The following PPP1R9A variants were observed in gnomAD, a reference collection of about 807,000 sequenced individuals.
PPP1R9A encodes protein phosphatase 1 regulatory subunit 9A, also known as neurabin-1.
PPP1R9A carries 59 observed loss-of-function variants against 141.9 expected under a neutral mutation model. The observed-to-expected ratio is 0.42, with a 90% CI of 0.34 to 0.52. The LOEUF is 0.52. Among genes scored for constraint, PPP1R9A ranks in the 20% least tolerant of loss-of-function variants. The probability of loss-of-function intolerance (pLI) is 0.10; values close to 1 mark genes in which losing one functional copy is unlikely to be tolerated. For synonymous variants in PPP1R9A, 500 were observed against 569.7 expected (o/e 0.88, Z 1.74); for missense variants, 1,444 against 1,611.9 (o/e 0.90, Z 1.78).
chr7:95,282,130 G>A (rs1030127324), intron 16 of PPP1R9A, among the ~76,000 whole-genome samples: 1 of 127,964 alleles, frequency 7.8e-6, no homozygotes, highest in Non-Finnish European at 1.6e-5. Context: ...GGGAGGCCAA[G>A]GCAGGAGGTC....
chr7:94,943,239 A>G (rs757169883), intron 2 of PPP1R9A, among the ~76,000 whole-genome samples: 1 of 152,222 alleles, frequency 6.6e-6, no homozygotes, highest in Non-Finnish European at 1.5e-5. Flanking sequence ...GATAAACTAT[A>G]GGCCATTAAA....
At chr7:95,038,965 TAGAC>T (rs1189930229) in intron 2 of PPP1R9A, among the ~76,000 whole-genome samples, 3 of 152,216 alleles carry the variant, frequency 2.0e-5, no homozygotes, top group Middle Eastern at 3.4e-3. Context: ...CAGCAAACGT[TAGAC>T]AGCCCAACAC....
In PPP1R9A at chr7:95,118,251, T is replaced by C. The variant is rs150556721; in HGVS notation, c.1529-2461T>C. On this transcript the variant is annotated intron_variant, in intron 3 of 19. Transcript: ENST00000433360. ...CGAAACTTTAAAACTATAATGAATG[T>C]AGAAAATCTTTAACAAGATAAATCC... 2.7e-4 allele frequency among the ~76,000 whole-genome samples: 41 copies of C among 152,336 alleles called. No homozygotes were observed. In the East Asian group the frequency reaches 7.7e-3, roughly 29 times the overall value.
intron 16 of PPP1R9A, among the ~76,000 whole-genome samples, chr7:95,276,911 T>C (rs1803316507): frequency 6.6e-6 from 1 of 152,164 alleles, no homozygotes; most frequent in African/African-American, 2.4e-5. Context: ...ATAAAACCTA[T>C]CCCAGGAAGA....
intron 2 of PPP1R9A, among the ~76,000 whole-genome samples, chr7:94,948,106 C>G (rs971094717): frequency 3.3e-5 from 5 of 152,036 alleles, no homozygotes; most frequent in African/African-American, 9.7e-5. Flanking sequence ...ATGGTGGGTT[C>G]TCCTTCCCAA....
chr7:95,068,349 A>C (rs1200534562), intron 2 of PPP1R9A, among the ~76,000 whole-genome samples: 1 of 151,992 alleles, frequency 6.6e-6, no homozygotes, highest in African/African-American at 2.4e-5. Flanking sequence ...ACACGCCTGT[A>C]GTCCCAGCTA....
intron 5 of PPP1R9A, among the ~76,000 whole-genome samples, chr7:95,166,539 A>G (rs1831296940): frequency 6.6e-6 from 1 of 152,194 alleles, no homozygotes; most frequent in Admixed American, 6.5e-5. Context: ...CCAACAAAGA[A>G]AAGTCCAGGA....
chr7:95,170,541 G>A (rs1831948852), intron 5 of PPP1R9A, among the ~76,000 whole-genome samples: 1 of 151,522 alleles, frequency 6.6e-6, no homozygotes, highest in Non-Finnish European at 1.5e-5. Context: ...GAATACAGTA[G>A]ACTTTGCAGT....
At chr7:95,070,624 C>CACACACAT (rs1554492098) in intron 2 of PPP1R9A, among the ~76,000 whole-genome samples, 3 of 134,544 alleles carry the variant, frequency 2.2e-5, no homozygotes, top group Admixed American at 7.6e-5. Flanking sequence ...CACACACACA[C>CACACACAT]ATATATATAA....
At chr7:95,136,482 A>C (rs1023894049) in intron 4 of PPP1R9A, among the ~76,000 whole-genome samples, 5 of 152,220 alleles carry the variant, frequency 3.3e-5, no homozygotes, top group Non-Finnish European at 7.3e-5. Context: ...ATGCACAAAG[A>C]TATAAAGTTA....
chr7:94,954,566 C>G (rs1467118670), intron 2 of PPP1R9A, among the ~76,000 whole-genome samples: 2 of 151,736 alleles, frequency 1.3e-5, no homozygotes, highest in Non-Finnish European at 2.9e-5. Flanking sequence ...TTATGAACAG[C>G]ATATCAATAG....
chr7:95,133,058 G>T (rs1824949434), intron 4 of PPP1R9A, among the ~76,000 whole-genome samples: 1 of 152,194 alleles, frequency 6.6e-6, no homozygotes, highest in Admixed American at 6.5e-5. Flanking sequence ...GTAGGGCAGA[G>T]AAGAATTATA....
At chr7:95,279,467 T>G (rs1421461261) in intron 16 of PPP1R9A, among the ~76,000 whole-genome samples, 1 of 152,218 alleles carries the variant, frequency 6.6e-6, no homozygotes, top group Non-Finnish European at 1.5e-5. Flanking sequence ...TTAGCCCTAG[T>G]AGATCGGACT....
intron 19 of PPP1R9A, among the ~76,000 whole-genome samples, chr7:95,289,361 C>CT (rs1429759407): frequency 6.6e-6 from 1 of 152,230 alleles, no homozygotes; most frequent in Non-Finnish European, 1.5e-5. Context: ...AGACGAGTAT[C>CT]TCTTGACAAT....
chr7:95,175,604 A>T (rs1832784032), intron 5 of PPP1R9A, among the ~76,000 whole-genome samples: 1 of 152,032 alleles, frequency 6.6e-6, no homozygotes, highest in African/African-American at 2.4e-5. Flanking sequence ...CAATCATTCT[A>T]GTACTGTCAG....
In PPP1R9A at chr7:95,194,100, A is replaced by G. The variant is rs145873271; in HGVS notation, c.1755-4249A>G. 3.9e-3 allele frequency among the ~76,000 whole-genome samples: 589 copies of G among 152,128 alleles called. 6 individuals are homozygous for G. Among genetic ancestry groups the G allele is most frequent in the Middle Eastern group, 0.017 (5 of 294 alleles). The stretch of plus-strand genomic sequence containing the variant: ...AGTAAGTGATACTCTGTCAAATGCT[A>G]CTCTATGATGCATTTAAATAAAGAT... On this transcript the variant is annotated intron_variant, in intron 5 of 19. Coordinates refer to ENST00000433360, the MANE Select transcript of PPP1R9A (RefSeq NM_001166160.2).
At chr7:95,078,882 C>T (rs1437038191) in intron 2 of PPP1R9A, among the ~76,000 whole-genome samples, 3 of 151,654 alleles carry the variant, frequency 2.0e-5, no homozygotes, top group Non-Finnish European at 4.4e-5. Flanking sequence ...GGATATTAGC[C>T]CTTTGTCAGA....
At chr7:94,925,539 G>A (rs1285039197) in intron 2 of PPP1R9A, among the ~76,000 whole-genome samples, 2 of 152,088 alleles carry the variant, frequency 1.3e-5, no homozygotes, top group Admixed American at 1.3e-4. Flanking sequence ...TTGCTGAAGG[G>A]ATTCCCTCTG....
chr7:95,002,954 G>T (rs982859504), intron 2 of PPP1R9A, among the ~76,000 whole-genome samples: 2 of 152,186 alleles, frequency 1.3e-5, no homozygotes, highest in Non-Finnish European at 2.9e-5. Context: ...GAGGATGTGA[G>T]TATGGGAATC....
Sources: gnomAD v4.1 joint callset for allele counts (sites outside exome capture counted in the v4.1 genomes callset) on GRCh38, gnomAD v4.1.1 for gene constraint, MANE v1.5 for transcripts, NCBI Gene and HGNC (gene_info 2026-07-23, HGNC 2026-07-21) for gene names.